RRM2B: variants seen among roughly 807,000 people sequenced by gnomAD.
RRM2B encodes ribonucleotide reductase regulatory TP53 inducible subunit M2B.
Under a neutral mutation model 45.9 loss-of-function variants are expected in RRM2B, and 20 were observed. The observed-to-expected ratio is 0.44, with a 90% CI of 0.31 to 0.63. The LOEUF is 0.63. RRM2B is among the 30% of genes least tolerant of loss of function. The pLI, the probability that RRM2B is intolerant of heterozygous loss-of-function variation, is 0.09. For missense variants in RRM2B, 320 were observed against 414.7 expected (o/e 0.77, Z 1.98); for synonymous variants, 124 against 132.3 (o/e 0.94, Z 0.43).
chr8:102,232,911 C>T (rs1563667734), intron 1 of RRM2B, among the ~76,000 whole-genome samples: 1 of 152,226 alleles, frequency 6.6e-6, no homozygotes, highest in Non-Finnish European at 1.5e-5. Context: ...CATATGATCT[C>T]ACTGTGGGCT....
At chr8:102,238,118 CT>C (rs1287113774) in intron 1 of RRM2B, among the ~76,000 whole-genome samples, 2 of 152,194 alleles carry the variant, frequency 1.3e-5, no homozygotes, top group African/African-American at 4.8e-5. Context: ...ATTTTAGGTA[CT>C]TTTATCAGCA....
chr8:102,218,669 C>G (rs1301981203), intron 6 of RRM2B, 145 bp downstream of exon 6: 1 of 665,892 alleles, frequency 1.5e-6, no homozygotes, highest in East Asian at 2.8e-5. Flanking sequence ...GAGGCTGCAG[C>G]AAGCCATGAT....
chr8:102,217,220 A>G (rs1810745243), intron 6 of RRM2B, among the ~76,000 whole-genome samples: 2 of 152,132 alleles, frequency 1.3e-5, no homozygotes, highest in Non-Finnish European at 2.9e-5. Flanking sequence ...TGGAAAAAGA[A>G]CATCTCAACT....
intron 2 of RRM2B, among the ~76,000 whole-genome samples, chr8:102,231,794 G>A (rs778046877): frequency 6.6e-6 from 1 of 151,390 alleles, no homozygotes; most frequent in African/African-American, 2.4e-5. Flanking sequence ...GCTTGAACCC[G>A]GGAGGTGGAG....
At chr8:102,218,295 T>C (rs931300041) in intron 6 of RRM2B, among the ~76,000 whole-genome samples, 15 of 152,266 alleles carry the variant, frequency 9.9e-5, no homozygotes, top group African/African-American at 3.1e-4. Flanking sequence ...ATATTAAGAA[T>C]GACCAGGAGA....
In RRM2B at chr8:102,238,927, C is replaced by G; in HGVS notation, c.-53G>C. On this transcript the variant is annotated 5_prime_UTR_variant, in exon 1 of 9. Coordinates refer to ENST00000251810, the MANE Select transcript of RRM2B (RefSeq NM_015713.5). The stretch of plus-strand genomic sequence containing the variant: ...GCTGAGGGAACTGAGCTCCTCAGGC[C>G]ACCTCCAACTACGACAGCACCCAGG... 6.3e-7 allele frequency: 1 copy of G among 1,585,976 alleles called. No homozygotes were observed. The highest frequency in any genetic ancestry group is 8.6e-7 in the Non-Finnish European group (1 of 1,165,598).
intron 6 of RRM2B, among the ~76,000 whole-genome samples, chr8:102,215,944 C>CAAAAAAAAAAAAAAAAAAA (rs60059243): frequency 1.5e-4 from 11 of 75,692 alleles, no homozygotes; most frequent in African/African-American, 4.1e-4. Flanking sequence ...GACCCTGTCT[C>CAAAAAAAAAAAAAAAAAAA]AAAAAAAAAA....
rs952345209 is a variant in RRM2B at position 102,212,379 on chromosome 8, T to C, written c.903+397A>G. Among the ~76,000 whole-genome samples the C allele has an allele frequency of 3.3e-5, 5 of 152,244 alleles. No homozygotes were observed. In the East Asian group the frequency reaches 5.8e-4, roughly 18 times the overall value. On this transcript the variant is annotated intron_variant, in intron 8 of 8. Transcript: ENST00000251810. ...GAATAACTCTGTTCAAAGAGTTATA[T>C]TGTGACAGTTAATGTCTTCCTAATA...
chr8:102,205,446 G>T lies in RRM2B; in HGVS notation c.*2687C>A, dbSNP rs2132537154. The T allele has an allele frequency of 6.6e-6, 1 of 152,184 alleles. No homozygotes were observed. Among genetic ancestry groups the T allele is most frequent in the East Asian group, 1.9e-4 (1 of 5,184 alleles). The allele number at this position is 152,184 out of a possible 1,614,324, so 9.4% of individuals were successfully genotyped here. A position where few individuals can be genotyped will look rare whatever the true frequency, so the allele number is the denominator to read the frequency against. Reference sequence around the variant, plus strand: ...ATGTATTAATATCAAGACAAGGCTGGGGCCAGCTTAGTTGTAAGAAAAACT... The same window carrying T: ...ATGTATTAATATCAAGACAAGGCTGTGGCCAGCTTAGTTGTAAGAAAAACT... On this transcript the variant is annotated 3_prime_UTR_variant, in exon 9 of 9. Coordinates refer to ENST00000251810, the MANE Select transcript of RRM2B (RefSeq NM_015713.5).
intron 7 of RRM2B, 42 bp downstream of exon 7, chr8:102,214,012 G>T: frequency 1.6e-6 from 2 of 1,288,136 alleles, no homozygotes; most frequent in South Asian, 2.4e-5. Context: ...ACAAACATCA[G>T]AGAAAGAGAG....
At position 102,208,071 on chromosome 8, in the gene RRM2B, A is replaced by G; in HGVS notation, c.*62T>C. On this transcript the variant is annotated 3_prime_UTR_variant, in exon 9 of 9. Coordinates refer to ENST00000251810, the MANE Select transcript of RRM2B (RefSeq NM_015713.5). ...GATATACTTAAAATTTTTTTTAAGC[A>G]GAGGAAAATAGACTACTATTTACCA... 2 of 1,444,944 alleles carry G rather than the reference A, an allele frequency of 1.4e-6. No individual in the cohort carries two copies. Among genetic ancestry groups the G allele is most frequent in the Non-Finnish European group, 1.9e-6 (2 of 1,040,880 alleles). 89.5% of individuals were successfully genotyped at this position (1,444,944 alleles called of 1,614,324 possible). A position where few individuals can be genotyped will look rare whatever the true frequency, so the allele number is the denominator to read the frequency against.
At chr8:102,213,323 G>C (rs1164765568) in intron 7 of RRM2B, among the ~76,000 whole-genome samples, 1 of 152,104 alleles carries the variant, frequency 6.6e-6, no homozygotes, top group Non-Finnish European at 1.5e-5. Flanking sequence ...GAAACAAACA[G>C]ATTTGGGGGT....
At chr8:102,212,024 A>C (rs1173692437) in intron 8 of RRM2B, among the ~76,000 whole-genome samples, 1 of 152,206 alleles carries the variant, frequency 6.6e-6, no homozygotes, top group East Asian at 1.9e-4. Context: ...TCTAATTACC[A>C]TGGTATAGTA....
Position 102,208,256 on chromosome 8 carries a change from A to G in RRM2B, c.933T>C (p.Phe311=), listed in dbSNP as rs1353305749. The change falls in exon 9 of 9, where the codon TTT becomes TTC. Residue 311 remains phenylalanine, a synonymous_variant. Transcript: ENST00000251810. ...TTCCTTCTAAAGAAATGTTTTCCAT[A>G]AAATCAAAAGGATTTTCTGCCTGAA... ...KVFQAENPFD[F]MENISLEGKT... 6.3e-7 allele frequency: 1 copy of G among 1,582,956 alleles called. No homozygotes were observed. Among genetic ancestry groups the G allele is most frequent in the Admixed American group, 1.7e-5 (1 of 59,760 alleles).
At chr8:102,234,759 A>C (rs933667189) in intron 1 of RRM2B, 4 of 153,608 alleles carry the variant, frequency 2.6e-5, no homozygotes, top group Non-Finnish European at 4.4e-5. Flanking sequence ...CTGAGGCAGG[A>C]GAATCACTTG....
Position 102,208,292 on chromosome 8 carries a change from AG to A in RRM2B, c.904-8del. ...GATTTTCTGCCTGAAAAACCTAAAA[AG>A]GAAAGAAATATTATTAGACATTCTG... On this transcript the variant is annotated splice_region_variant and splice_polypyrimidine_tract_variant and intron_variant, in intron 8 of 8. Transcript: ENST00000251810. 1.3e-6 allele frequency: 2 copies of A among 1,528,486 alleles called. No individual in the cohort carries two copies. Among genetic ancestry groups the A allele is most frequent in the Non-Finnish European group, 1.8e-6 (2 of 1,103,184 alleles). 94.7% of individuals were successfully genotyped at this position (1,528,486 alleles called of 1,614,324 possible).
intron 1 of RRM2B, among the ~76,000 whole-genome samples, chr8:102,232,984 G>A (rs1468479902): frequency 2.0e-5 from 3 of 152,288 alleles, no homozygotes; most frequent in Admixed American, 1.3e-4. Context: ...TTCAAAACAC[G>A]ATGGCACTCT....
intron 5 of RRM2B, among the ~76,000 whole-genome samples, chr8:102,221,897 G>A (rs1262150958): frequency 6.6e-6 from 1 of 152,048 alleles, no homozygotes; most frequent in Non-Finnish European, 1.5e-5. Context: ...TCTAAAGCCA[G>A]CATTTCCCAA....
chr8:102,229,809 T>C (rs998640749), intron 2 of RRM2B, among the ~76,000 whole-genome samples: 3 of 152,174 alleles, frequency 2.0e-5, no homozygotes, highest in Non-Finnish European at 4.4e-5. Flanking sequence ...GGTCTCAAAC[T>C]CCTGACCTCA....
Sources: allele counts gnomAD v4.1 joint callset (sites outside exome capture counted in the v4.1 genomes callset), GRCh38; gene constraint gnomAD v4.1.1; transcripts MANE v1.5; gene names NCBI Gene and HGNC (gene_info 2026-07-23, HGNC 2026-07-21).